The following CNTNAP2 variants were observed in gnomAD, a reference collection of about 807,000 sequenced individuals.
CNTNAP2 encodes contactin-associated protein-like 2.
CNTNAP2 carries 98 observed loss-of-function variants against 155.2 expected under a neutral mutation model. The ratio of observed to expected loss-of-function variants is 0.63; its 90% CI spans 0.54 to 0.75. The LOEUF is 0.75. Among genes scored for constraint, CNTNAP2 ranks in the 30% least tolerant of loss-of-function variants. The pLI, the probability that CNTNAP2 is intolerant of heterozygous loss-of-function variation, is 0.00. For missense variants in CNTNAP2, 1,727 were observed against 1,688.1 expected, an observed-to-expected ratio of 1.02 and a Z score of -0.40; for synonymous variants, 651 against 631.2, an observed-to-expected ratio of 1.03 and a Z score of -0.47.
intron 1 of CNTNAP2, among the ~76,000 whole-genome samples, chr7:146,255,283 C>A (rs1413144008): frequency 6.6e-6 from 1 of 152,148 alleles, no homozygotes; most frequent in Admixed American, 6.5e-5. Context: ...GAAAATGCAA[C>A]AATAAACAGC....
chr7:148,035,693 G>C (rs1367187272), intron 15 of CNTNAP2, among the ~76,000 whole-genome samples: 2 of 152,286 alleles, frequency 1.3e-5, no homozygotes, highest in Admixed American at 1.3e-4. Flanking sequence ...CCACTATGGC[G>C]ATGCCTGGTG....
At chr7:146,787,120 CT>C (rs145047431) in intron 2 of CNTNAP2, among the ~76,000 whole-genome samples, 2,583 of 152,256 alleles carry the variant, frequency 0.017, 36 homozygotes, top group Non-Finnish European at 0.026. Flanking sequence ...CAACCCTCTG[CT>C]TAGACCACCA....
intron 1 of CNTNAP2, among the ~76,000 whole-genome samples, chr7:146,324,074 G>A (rs896305369): frequency 1.3e-5 from 2 of 152,014 alleles, no homozygotes; most frequent in Non-Finnish European, 2.9e-5. Flanking sequence ...TGCCACTCTG[G>A]GAATTATTTG....
chr7:147,880,146 T>G (rs547297092), intron 13 of CNTNAP2, among the ~76,000 whole-genome samples: 1 of 152,248 alleles, frequency 6.6e-6, no homozygotes, highest in East Asian at 1.9e-4. Flanking sequence ...TTTCCTTGAT[T>G]CAGGAGCTGG....
At chr7:146,570,609 T>C (rs111322706) in intron 1 of CNTNAP2, among the ~76,000 whole-genome samples, 26 of 152,280 alleles carry the variant, frequency 1.7e-4, no homozygotes, top group African/African-American at 6.3e-4. Context: ...CATTTTCCTC[T>C]TCAAATTCTA....
chr7:146,474,762 A>G (rs1221497033), intron 1 of CNTNAP2, among the ~76,000 whole-genome samples: 1 of 152,210 alleles, frequency 6.6e-6, no homozygotes, highest in Admixed American at 6.5e-5. Flanking sequence ...AGGAAAAATA[A>G]AAGTAGACCT....
chr7:148,107,220 C>T (rs562387404), intron 15 of CNTNAP2, among the ~76,000 whole-genome samples: 3 of 152,226 alleles, frequency 2.0e-5, no homozygotes, highest in South Asian at 4.2e-4. Flanking sequence ...GGAACAAGCC[C>T]GTTTTACCAC....
At chr7:148,409,499 T>C in intron 23 of CNTNAP2, 28 bp downstream of exon 23, 1 of 1,580,192 alleles carries the variant, frequency 6.3e-7, no homozygotes, top group East Asian at 2.2e-5. Flanking sequence ...GAGGCTTATA[T>C]GGGGCTACTC....
intron 15 of CNTNAP2, among the ~76,000 whole-genome samples, chr7:148,036,487 G>C (rs1426461437): frequency 6.6e-6 from 1 of 151,984 alleles, no homozygotes; most frequent in African/African-American, 2.4e-5. Context: ...GGCCTCTCTT[G>C]CTCTCTCTTG....
intron 14 of CNTNAP2, among the ~76,000 whole-genome samples, chr7:147,956,300 C>G (rs1489892662): frequency 1.4e-5 from 2 of 139,274 alleles, no homozygotes; most frequent in African/African-American, 2.6e-5. Flanking sequence ...TGGCAGGGGG[C>G]AAAAAAAAAA....
chr7:147,789,063 C>T (rs1797781108), intron 13 of CNTNAP2, among the ~76,000 whole-genome samples: 2 of 151,692 alleles, frequency 1.3e-5, no homozygotes, highest in Admixed American at 6.6e-5. Context: ...CATCACCATG[C>T]CTGGCTAATT....
At chr7:146,835,940 C>T (rs1803608219) in intron 2 of CNTNAP2, among the ~76,000 whole-genome samples, 1 of 152,052 alleles carries the variant, frequency 6.6e-6, no homozygotes, top group Admixed American at 6.6e-5. Context: ...TTTTATAGCC[C>T]CAGGTTGACC....
At chr7:147,811,325 T>G (rs1798175755) in intron 13 of CNTNAP2, among the ~76,000 whole-genome samples, 1 of 152,102 alleles carries the variant, frequency 6.6e-6, no homozygotes, top group Non-Finnish European at 1.5e-5. Context: ...CTCGAACTCC[T>G]GAGCTCAGGC....
At chr7:147,259,003 T>C (rs987320604) in intron 8 of CNTNAP2, among the ~76,000 whole-genome samples, 3 of 152,150 alleles carry the variant, frequency 2.0e-5, no homozygotes, top group Non-Finnish European at 2.9e-5. Flanking sequence ...GATGGAAGTA[T>C]GGGATGGTTT....
chr7:146,546,881 G>A (rs1798037385), intron 1 of CNTNAP2, among the ~76,000 whole-genome samples: 3 of 152,022 alleles, frequency 2.0e-5, no homozygotes, highest in South Asian at 4.2e-4. Flanking sequence ...CTCCCACTGG[G>A]TCCCTCCCAT....
intron 1 of CNTNAP2, among the ~76,000 whole-genome samples, chr7:146,627,662 C>T (rs1799442219): frequency 6.6e-6 from 1 of 152,066 alleles, no homozygotes; most frequent in Non-Finnish European, 1.5e-5. Flanking sequence ...TCACAGTATA[C>T]ATTTTGCAAC....
At chr7:146,682,855 G>A (rs981406934) in intron 1 of CNTNAP2, among the ~76,000 whole-genome samples, 14 of 152,114 alleles carry the variant, frequency 9.2e-5, no homozygotes, top group African/African-American at 2.7e-4. Flanking sequence ...ATTATAATCT[G>A]AGCTAGATGT....
chr7:147,822,563 C>G (rs1044934052), intron 13 of CNTNAP2, among the ~76,000 whole-genome samples: 1 of 152,072 alleles, frequency 6.6e-6, no homozygotes, highest in Non-Finnish European at 1.5e-5. Flanking sequence ...CAGATTATGT[C>G]AAAATGTTGA....
chr7:147,639,352 T>C (rs749894497), intron 13 of CNTNAP2, 46 bp downstream of exon 13: 1 of 1,554,472 alleles, frequency 6.4e-7, no homozygotes, highest in South Asian at 1.1e-5. Context: ...TCTCAGCTGG[T>C]GCTTAGAATT....
Sources: gnomAD v4.1 joint callset for allele counts (sites outside exome capture counted in the v4.1 genomes callset) on GRCh38, gnomAD v4.1.1 for gene constraint, MANE v1.5 for transcripts, NCBI Gene and HGNC (gene_info 2026-07-23, HGNC 2026-07-21) for gene names.